The following ITGB3 variants were observed in gnomAD, a reference collection of about 807,000 sequenced individuals.
ITGB3 encodes integrin beta-3.
Under a neutral mutation model 85.8 loss-of-function variants are expected in ITGB3, and 48 were observed. The observed-to-expected ratio is 0.56, with a 90% CI of 0.44 to 0.71. The LOEUF is 0.71. Ranked by LOEUF, ITGB3 falls within the 30% of genes least tolerant of loss-of-function variation. ITGB3 has a pLI of 0.00. For missense variants in ITGB3, 861 were observed against 1,019.1 expected, an observed-to-expected ratio of 0.84 and a Z score of 2.11; for synonymous variants, 363 against 395.6, an observed-to-expected ratio of 0.92 and a Z score of 0.98.
chr17:47,297,881 CAAA>C (rs10665875), intron 10 of ITGB3, among the ~76,000 whole-genome samples: 2 of 115,778 alleles, frequency 1.7e-5, no homozygotes, highest in Admixed American at 9.1e-5. Flanking sequence ...GACTCTGTCT[CAAA>C]AAAAAAAAAA....
At chr17:47,257,847 TG>T (rs1373361823) in intron 1 of ITGB3, among the ~76,000 whole-genome samples, 1 of 152,114 alleles carries the variant, frequency 6.6e-6, no homozygotes, top group Admixed American at 6.5e-5. Context: ...GTGTGGGTGT[TG>T]GGGCAAGGGT....
chr17:47,273,267 G>A (rs1260328464), intron 1 of ITGB3, among the ~76,000 whole-genome samples: 1 of 152,192 alleles, frequency 6.6e-6, no homozygotes, highest in Non-Finnish European at 1.5e-5. Context: ...AGGTTCGCTG[G>A]TCTTACCAGC....
intron 2 of ITGB3, among the ~76,000 whole-genome samples, chr17:47,276,408 C>T (rs140824857): frequency 1.3e-5 from 2 of 152,166 alleles, no homozygotes; most frequent in Non-Finnish European, 2.9e-5. Context: ...TGCTCCTTGT[C>T]CCCTGGGGCA....
chr17:47,258,421 C>G (rs2064997788), intron 1 of ITGB3, among the ~76,000 whole-genome samples: 1 of 151,792 alleles, frequency 6.6e-6, no homozygotes, highest in Non-Finnish European at 1.5e-5. Flanking sequence ...CACACAGTCT[C>G]ACCAAAAACA....
intron 1 of ITGB3, among the ~76,000 whole-genome samples, chr17:47,254,689 C>T (rs916635000): frequency 1.3e-5 from 2 of 152,112 alleles, no homozygotes; most frequent in Non-Finnish European, 2.9e-5. Context: ...CTGGCTGCTG[C>T]GCACACCGTC....
intron 1 of ITGB3, among the ~76,000 whole-genome samples, chr17:47,257,417 A>G (rs907244594): frequency 6.6e-6 from 1 of 152,262 alleles, no homozygotes; most frequent in African/African-American, 2.4e-5. Flanking sequence ...CTGTATCTGA[A>G]AAAAGAGGAA....
chr17:47,290,182 T>G lies in ITGB3; in HGVS notation c.1036-3T>G, dbSNP rs369079426. ...CTCTGGACATCTTTGTTTTCCTTTC[T>G]AGAACTATAGTGAGCTCATCCCAGG... On this transcript the variant is annotated splice_region_variant and splice_polypyrimidine_tract_variant and intron_variant, in intron 7 of 14. Transcript: ENST00000559488. The G allele has an allele frequency of 1.2e-6, 2 of 1,612,984 alleles. No individual in the cohort carries two copies. Among genetic ancestry groups the G allele is most frequent in the South Asian group, 1.1e-5 (1 of 91,060 alleles).
At chr17:47,263,475 G>GCCCCC (rs113192717) in intron 1 of ITGB3, among the ~76,000 whole-genome samples, 12 of 85,352 alleles carry the variant, frequency 1.4e-4, no homozygotes, top group Admixed American at 2.5e-4. Flanking sequence ...GCTATTCCCC[G>GCCCCC]CCCCCCCCAC....
rs147263592 is a variant in ITGB3, at chr17:47,289,711, A to G, written c.970A>G (p.Lys324Glu). The G allele has an allele frequency of 1.7e-4, 281 of 1,613,836 alleles. No homozygotes were observed. The African/African-American group carries it at 3.3e-3, about 19-fold the overall frequency. ...DYPSLGLMTE[K>E]LSQKNINLIF... ...TCCCTCTTTGGGGCTGATGACTGAG[A>G]AGCTATCCCAGAAAAACATCAATTT... Residue 324 changes from lysine (K) to glutamate (E), a missense_variant, in exon 7 of 15, where the codon AAG (lysine) becomes GAG (glutamate). Lys to Glu is a moderately conservative substitution (Grantham distance 56, BLOSUM62 1). Coordinates refer to ENST00000559488, the MANE Select transcript of ITGB3 (RefSeq NM_000212.3).
In ITGB3 at chr17:47,313,097, C is replaced by T. The variant is rs946033474; in HGVS notation, c.*2893C>T. Among the ~76,000 whole-genome samples the T allele has an allele frequency of 6.6e-6, 1 of 152,104 alleles. No homozygotes were observed. Among genetic ancestry groups the T allele is most frequent in the African/African-American group, 2.4e-5 (1 of 41,400 alleles). On this transcript the variant is annotated 3_prime_UTR_variant, in exon 15 of 15. Coordinates refer to ENST00000559488, the MANE Select transcript of ITGB3 (RefSeq NM_000212.3). ...CAAGCCATTCTCCTGCCTCAGCCTC[C>T]CCAGTAGCCGGGATTACAGGCACCC...
At chr17:47,287,478 C>T (rs1052571241) in intron 6 of ITGB3, among the ~76,000 whole-genome samples, 1 of 152,206 alleles carries the variant, frequency 6.6e-6, no homozygotes, top group Non-Finnish European at 1.5e-5. Context: ...ATAGCAGCAG[C>T]ATCATGGGAT....
intron 2 of ITGB3, among the ~76,000 whole-genome samples, chr17:47,274,733 G>A (rs903394180): frequency 6.6e-6 from 1 of 152,200 alleles, no homozygotes; most frequent in African/African-American, 2.4e-5. Flanking sequence ...TGCCAGTTTG[G>A]CTCGACCTCC....
chr17:47,287,987 C>T (rs2065109753), intron 6 of ITGB3, among the ~76,000 whole-genome samples: 1 of 127,356 alleles, frequency 7.9e-6, no homozygotes, highest in Admixed American at 9.6e-5. Context: ...TGCAGTAGTG[C>T]AATCTTGGCT....
Position 47,310,510 on chromosome 17 carries a change from T to A in ITGB3, c.*306T>A, listed in dbSNP as rs1202852158. ...GGATTCTTCCTGCTTAGCTTGAGGG[T>A]GACTATGGAGCTGAGCAGGTGTTCT... On this transcript the variant is annotated 3_prime_UTR_variant, in exon 15 of 15. Transcript: ENST00000559488. 3 of 462,702 alleles carry A rather than the reference T, an allele frequency of 6.5e-6. No individual in the cohort carries two copies. The highest frequency in any genetic ancestry group is 1.2e-5 in the Non-Finnish European group (3 of 246,868). 28.7% of individuals were successfully genotyped at this position (462,702 alleles called of 1,614,324 possible). A position where few individuals can be genotyped will look rare whatever the true frequency, so the allele number is the denominator to read the frequency against.
Position 47,313,542 on chromosome 17 carries a change from G to T in ITGB3, c.*3338G>T, listed in dbSNP as rs2065224834. Among the ~76,000 whole-genome samples, 1 of 151,626 alleles carries T rather than the reference G, an allele frequency of 6.6e-6. No individual in the cohort carries two copies. The highest frequency in any genetic ancestry group is 1.5e-5 in the Non-Finnish European group (1 of 67,944). On this transcript the variant is annotated 3_prime_UTR_variant, in exon 15 of 15. Transcript: ENST00000559488. ...CTTTTTGTATTTTTAGTAGAGACGG[G>T]GTTTCACGGTGTTAGCCAGGAAGGT...
rs774937322 is a variant in ITGB3, at chr17:47,289,719, C to T, written c.978C>T (p.Ser326=). 15 of 1,613,934 alleles carry T rather than the reference C, an allele frequency of 9.3e-6. 1 individual carries two copies. The South Asian group carries it at 1.4e-4, about 15-fold the overall frequency. Residue 326 remains serine, a synonymous_variant, in exon 7 of 15, where the codon TCC becomes TCT. Transcript: ENST00000559488. ...TGGGGCTGATGACTGAGAAGCTATC[C>T]CAGAAAAACATCAATTTGATCTTTG... ...PSLGLMTEKL[S]QKNINLIFAV...
In ITGB3 at chr17:47,292,280, G is replaced by A; in HGVS notation, c.1402G>A (p.Glu468Lys). The part of the protein sequence containing the change: ...DCDCACQAQA[E>K]PNSHRCNNGN... ...TGACTGTGCCTGCCAGGCCCAAGCT[G>A]AACCTAATAGCCATCGCTGCAACAA... The change falls in exon 10 of 15, where the codon GAA becomes AAA. Residue 468 changes from glutamate (E) to lysine (K), a missense_variant. By Grantham distance (56) the Glu-to-Lys change is moderately conservative. Coordinates refer to ENST00000559488, the MANE Select transcript of ITGB3 (RefSeq NM_000212.3). 3.1e-6 allele frequency: 5 copies of A among 1,614,234 alleles called. No homozygotes were observed. The highest frequency in any genetic ancestry group is 4.2e-6 in the Non-Finnish European group (5 of 1,180,038).
intron 1 of ITGB3, among the ~76,000 whole-genome samples, chr17:47,272,543 A>G (rs1189437809): frequency 6.6e-6 from 1 of 152,192 alleles, no homozygotes; most frequent in Non-Finnish European, 1.5e-5. Flanking sequence ...AAGCCAAATA[A>G]TAGGTACATA....
At chr17:47,255,951 A>G (rs980437569) in intron 1 of ITGB3, among the ~76,000 whole-genome samples, 28 of 148,720 alleles carry the variant, frequency 1.9e-4, no homozygotes, top group Non-Finnish European at 1.2e-4. Flanking sequence ...GGAGAAATCC[A>G]CCAGGGCAAC....
Sources: gnomAD v4.1 joint callset for allele counts (sites outside exome capture counted in the v4.1 genomes callset) on GRCh38, gnomAD v4.1.1 for gene constraint, MANE v1.5 for transcripts, NCBI Gene and HGNC (gene_info 2026-07-23, HGNC 2026-07-21) for gene names.